The following COL11A1 variants were observed in gnomAD, a reference collection of about 807,000 sequenced individuals.
COL11A1 encodes the protein collagen alpha-1(XI) chain.
A neutral mutation model predicts 265.2 loss-of-function variants in COL11A1; 74 were observed. The ratio of observed to expected loss-of-function variants is 0.28; its 90% CI spans 0.23 to 0.34. COL11A1 has a LOEUF of 0.34. Among genes scored for constraint, COL11A1 ranks in the 10% least tolerant of loss-of-function variants. The pLI is 1.00. For synonymous variants in COL11A1, 816 were observed against 727.6 expected (o/e 1.12, Z -1.96); for missense variants, 2,165 against 2,263.6 (o/e 0.96, Z 0.88).
At chr1:102,949,560 G>T (rs190629202) in intron 41 of COL11A1, among the ~76,000 whole-genome samples, 89 of 152,256 alleles carry the variant, frequency 5.8e-4, no homozygotes, top group Middle Eastern at 3.4e-3. Context: ...CATTTTAAGA[G>T]AATTAACTGA....
At chr1:103,026,862 A>G (rs1326585576) in intron 5 of COL11A1, among the ~76,000 whole-genome samples, 1 of 151,436 alleles carries the variant, frequency 6.6e-6, no homozygotes, top group Non-Finnish European at 1.5e-5. Context: ...AGAATATGAA[A>G]TAAGTATATA....
intron 43 of COL11A1, 28 bp downstream of exon 43, chr1:102,940,299 T>C (rs769229156): frequency 6.4e-7 from 1 of 1,551,170 alleles, no homozygotes; most frequent in South Asian, 1.1e-5. Flanking sequence ...TTTCACAGGA[T>C]CTACTAACAC....
chr1:102,879,582 T>A (rs897427951), intron 66 of COL11A1, 101 bp downstream of exon 66: 3 of 966,226 alleles, frequency 3.1e-6, no homozygotes, highest in Non-Finnish European at 4.9e-6. Context: ...TAATAACAAC[T>A]GACGTCCATT....
intron 41 of COL11A1, among the ~76,000 whole-genome samples, chr1:102,957,578 ATTAGT>A (rs1037467725): frequency 1.3e-5 from 2 of 152,106 alleles, no homozygotes; most frequent in African/African-American, 2.4e-5. Flanking sequence ...CAACCTGTAT[ATTAGT>A]TTAATCAGTT....
chr1:102,946,748 G>C (rs1274679648), intron 42 of COL11A1, 101 bp downstream of exon 42: 1 of 915,450 alleles, frequency 1.1e-6, no homozygotes. Flanking sequence ...CACATATGCA[G>C]AGAGAATACG....
chr1:102,914,013 T>C (rs960872452), intron 52 of COL11A1, among the ~76,000 whole-genome samples: 2 of 152,132 alleles, frequency 1.3e-5, no homozygotes, highest in Admixed American at 6.6e-5. Flanking sequence ...TGAAATAGGA[T>C]TTGCATTATA....
intron 1 of COL11A1, among the ~76,000 whole-genome samples, chr1:103,103,421 A>C (rs1180882522): frequency 1.3e-5 from 2 of 152,026 alleles, no homozygotes; most frequent in African/African-American, 4.8e-5. Flanking sequence ...TTCTTAATCC[A>C]GCAATGAATA....
At chr1:103,039,292 T>C (rs1668626198) in intron 4 of COL11A1, among the ~76,000 whole-genome samples, 3 of 152,108 alleles carry the variant, frequency 2.0e-5, no homozygotes, top group African/African-American at 7.2e-5. Flanking sequence ...CTTATACCTA[T>C]TTTTTTCATT....
intron 35 of COL11A1, among the ~76,000 whole-genome samples, chr1:102,975,265 TAA>T (rs35123438): frequency 2.2e-5 from 3 of 136,290 alleles, no homozygotes; most frequent in East Asian, 2.2e-4. Context: ...CAGCCCCGCT[TAA>T]AAAAAAAAAA....
Position 102,995,914 on chromosome 1 carries a change from G to A in COL11A1, c.2296-6C>T, listed in dbSNP as rs1664580385. 1 of 1,611,940 alleles carries A rather than the reference G, an allele frequency of 6.2e-7. No homozygotes were observed. Among genetic ancestry groups the A allele is most frequent in the East Asian group, 2.2e-5 (1 of 44,816 alleles). On this transcript the variant is annotated splice_polypyrimidine_tract_variant and splice_region_variant and intron_variant, in intron 27 of 66. Transcript: ENST00000370096. ...CCTCTGACACCATCTGCTCCCTGTGGAATAAATTAGAAGTATTAAGTGAAT... is the reference window on the plus strand; with the variant it reads ...CCTCTGACACCATCTGCTCCCTGTGAAATAAATTAGAAGTATTAAGTGAAT...
chr1:102,879,888 G>T lies in COL11A1; in HGVS notation c.5069C>A (p.Ser1690Tyr). Residue 1690 changes from serine to tyrosine, a missense_variant, in exon 66 of 67, where the codon TCC becomes TAC. By Grantham distance (144) the Ser-to-Tyr change is moderately radical (BLOSUM62 -2). Coordinates refer to ENST00000370096, the MANE Select transcript of COL11A1 (RefSeq NM_001854.4). ...GAATGTCATTTGCACCATATTGATGGAATTTCCTTCAACATCTAAGTATGA... is the reference window on the plus strand; with the variant it reads ...GAATGTCATTTGCACCATATTGATGTAATTTCCTTCAACATCTAAGTATGA... ...LLSYLDVEGN[S>Y]INMVQMTFLK... The T allele has an allele frequency of 6.2e-7, 1 of 1,613,522 alleles. No homozygotes were observed. The highest frequency in any genetic ancestry group is 8.5e-7 in the Non-Finnish European group (1 of 1,179,582).
chr1:102,878,603 T>C (rs1266545198), intron 66 of COL11A1, among the ~76,000 whole-genome samples: 1 of 149,572 alleles, frequency 6.7e-6, no homozygotes, highest in Non-Finnish European at 1.5e-5. Context: ...TTCTGCCTCC[T>C]GGTTTCAAGC....
At chr1:102,887,794 T>TA (rs1471519986) in intron 62 of COL11A1, among the ~76,000 whole-genome samples, 2 of 152,064 alleles carry the variant, frequency 1.3e-5, no homozygotes, top group African/African-American at 4.8e-5. Flanking sequence ...GATATTCTTA[T>TA]AAAAAGGAGA....
At chr1:102,942,026 CATATGTTCTT>C (rs1658776402) in intron 42 of COL11A1, among the ~76,000 whole-genome samples, 1 of 152,130 alleles carries the variant, frequency 6.6e-6, no homozygotes, top group South Asian at 2.1e-4. Flanking sequence ...GCCTGGGTTT[CATATGTTCTT>C]GTTTTTCAAA....
chr1:103,056,607 A>G (rs1670266954), intron 4 of COL11A1, among the ~76,000 whole-genome samples: 1 of 152,160 alleles, frequency 6.6e-6, no homozygotes, highest in South Asian at 2.1e-4. Context: ...TGAAAACACC[A>G]GAACATTCTG....
At chr1:103,059,984 T>C (rs1299500911) in intron 4 of COL11A1, among the ~76,000 whole-genome samples, 1 of 152,032 alleles carries the variant, frequency 6.6e-6, no homozygotes, top group African/African-American at 2.4e-5. Context: ...TTTGCCCAAA[T>C]TAATGTCAGA....
chr1:102,962,322 A>G, intron 39 of COL11A1, 57 bp from the exon 40 acceptor site: 1 of 1,322,314 alleles, frequency 7.6e-7, no homozygotes, highest in Non-Finnish European at 1.1e-6. Flanking sequence ...TCTTTCTACA[A>G]ACAAAATTGT....
chr1:103,103,423 C>T (rs1013098919), intron 1 of COL11A1, among the ~76,000 whole-genome samples: 4 of 151,874 alleles, frequency 2.6e-5, no homozygotes, highest in East Asian at 3.9e-4. Context: ...CTTAATCCAG[C>T]AATGAATAGA....
intron 4 of COL11A1, among the ~76,000 whole-genome samples, chr1:103,054,719 T>C (rs1276004527): frequency 6.6e-6 from 1 of 152,002 alleles, no homozygotes; most frequent in East Asian, 1.9e-4. Context: ...CTCGCCAACG[T>C]GGTAAAACCT....
Sources: gnomAD v4.1 joint callset for allele counts (sites outside exome capture counted in the v4.1 genomes callset) on GRCh38, gnomAD v4.1.1 for gene constraint, MANE v1.5 for transcripts, NCBI Gene and HGNC (gene_info 2026-07-23, HGNC 2026-07-21) for gene names.